The following TIAM2 variants were observed in gnomAD, a reference collection of about 807,000 sequenced individuals.
TIAM2 encodes TIAM Rac1 associated GEF 2, also known as rho guanine nucleotide exchange factor TIAM2.
A neutral mutation model predicts 152.9 loss-of-function variants in TIAM2; 80 were observed. That is an observed-to-expected ratio of 0.52 (90% confidence interval 0.44 to 0.63). The LOEUF is 0.63. Among genes scored for constraint, TIAM2 ranks in the 30% least tolerant of loss-of-function variants. The probability of loss-of-function intolerance (pLI) is 0.00; values close to 1 mark genes in which losing one functional copy is unlikely to be tolerated. For synonymous variants in TIAM2, 804 were observed against 838.0 expected (o/e 0.96, Z 0.70); for missense variants, 1,965 against 2,120.1 (o/e 0.93, Z 1.44).
At chr6:155,144,402 A>G (rs924477082) in intron 5 of TIAM2, among the ~76,000 whole-genome samples, 1 of 152,190 alleles carries the variant, frequency 6.6e-6, no homozygotes, top group Admixed American at 6.5e-5. Flanking sequence ...CTGATATTAC[A>G]TTTACAAAGA....
chr6:155,201,365 A>G (rs1781468168), intron 14 of TIAM2, among the ~76,000 whole-genome samples: 1 of 152,216 alleles, frequency 6.6e-6, no homozygotes, highest in African/African-American at 2.4e-5. Context: ...CAACTTTATT[A>G]AAATTCTTGG....
chr6:155,082,542 C>T (rs1295440096), intron 1 of TIAM2, among the ~76,000 whole-genome samples: 2 of 151,784 alleles, frequency 1.3e-5, no homozygotes, highest in East Asian at 1.9e-4. Context: ...CTCAGCTACT[C>T]GGGAGGCTAA....
chr6:155,047,688 G>GAGAGAGAGAGAGAGGAGAGAGAGA (rs71023609), intron 1 of TIAM2, among the ~76,000 whole-genome samples: 1 of 44,682 alleles, frequency 2.2e-5, no homozygotes, highest in African/African-American at 8.3e-5. Flanking sequence ...GAGAGAGAGA[G>GAGAGAGAGAGAGAGGAGAGAGAGA]GAGAGAGAGA....
In TIAM2 at chr6:155,218,153, G is replaced by A. The variant is rs1279506081; in HGVS notation, c.3168+6846G>A. Among the ~76,000 whole-genome samples the A allele has an allele frequency of 1.3e-5, 2 of 152,208 alleles. No individual in the cohort carries two copies. The highest frequency in any genetic ancestry group is 2.4e-5 in the African/African-American group (1 of 41,440). ...CTAAAAGATAACTTATTTATAAACC[G>A]TAGTCTTTCTCCATGGTTGCTATTC... On this transcript the variant is annotated intron_variant, in intron 15 of 26. Coordinates refer to ENST00000682666, the MANE Select transcript of TIAM2 (RefSeq NM_012454.4). This position sits in a 1 kb window ranked among gnomAD's most constrained non-coding sequence, Gnocchi z 4.5.
At chr6:155,238,119 T>A (rs1283955047) in intron 15 of TIAM2, among the ~76,000 whole-genome samples, 1 of 152,162 alleles carries the variant, frequency 6.6e-6, no homozygotes, top group Non-Finnish European at 1.5e-5. Flanking sequence ...AGAAATTTCT[T>A]CTCCCAGATA....
At chr6:155,250,291 C>CT (rs11320509) in intron 21 of TIAM2, among the ~76,000 whole-genome samples, 3,422 of 133,644 alleles carry the variant, frequency 0.026, 115 homozygotes, top group African/African-American at 0.072. Flanking sequence ...TTGATTTTGC[C>CT]TTTTTTTTTT....
intron 1 of TIAM2, among the ~76,000 whole-genome samples, chr6:155,033,740 A>G (rs1776866059): frequency 6.7e-6 from 1 of 148,902 alleles, no homozygotes. Flanking sequence ...TTTTTGAGAC[A>G]GAGTCTTGCT....
At chr6:155,183,617 T>A in intron 14 of TIAM2, 117 bp downstream of exon 14, 4 of 1,265,318 alleles carry the variant, frequency 3.2e-6, no homozygotes, top group Non-Finnish European at 4.2e-6. Flanking sequence ...GTTTTCTAAT[T>A]TATTAGAAGA....
intron 1 of TIAM2, among the ~76,000 whole-genome samples, chr6:155,038,737 A>T (rs1048002457): frequency 1.3e-5 from 2 of 152,098 alleles, no homozygotes; most frequent in African/African-American, 4.8e-5. Flanking sequence ...ATTCGAGACC[A>T]GCCTGGGCAA....
In TIAM2 at chr6:155,129,194, C is replaced by T. The variant is rs771820910; in HGVS notation, c.-6-24C>T. 1.5e-5 allele frequency: 24 copies of T among 1,596,936 alleles called. No homozygotes were observed. The highest frequency in any genetic ancestry group is 3.3e-4 in the Middle Eastern group (2 of 6,024). ...GAATGTAATTTAGGCCACGGTCTTA[C>T]TGATGCAACTGTTCTTAATTTAGGT... is the stretch of plus-strand genomic sequence containing the variant. On this transcript the variant is annotated intron_variant, in intron 3 of 26. Transcript: ENST00000682666. This position sits in a 1 kb window ranked among gnomAD's most constrained non-coding sequence, Gnocchi z 4.8.
At chr6:155,021,423 G>A (rs1274458884) in intron 1 of TIAM2, among the ~76,000 whole-genome samples, 2 of 151,914 alleles carry the variant, frequency 1.3e-5, no homozygotes, top group Non-Finnish European at 2.9e-5. Context: ...CACCGTGCCC[G>A]GCTAGTTTTT....
rs548653436 is a variant in TIAM2, at chr6:155,056,943, C to T, written c.-208-33346C>T. 8.6e-4 allele frequency among the ~76,000 whole-genome samples: 126 copies of T among 147,314 alleles called. 1 individual carries two copies. The highest frequency in any genetic ancestry group is 3.1e-3 in the African/African-American group (123 of 39,608). On this transcript the variant is annotated intron_variant, in intron 1 of 26. Transcript: ENST00000682666. Reference sequence around the variant, plus strand: ...GCTGTGACAGTTTCTGAGACTTTTCCTTGTTTTTGATGACTGTGACAGTTT... The same window carrying T: ...GCTGTGACAGTTTCTGAGACTTTTCTTTGTTTTTGATGACTGTGACAGTTT...
chr6:155,102,111 C>T (rs1778564011), intron 2 of TIAM2, among the ~76,000 whole-genome samples: 2 of 152,086 alleles, frequency 1.3e-5, no homozygotes, highest in Admixed American at 1.3e-4. Flanking sequence ...ATTCTTCCAC[C>T]TCAGCCTCCC....
chr6:155,015,944 C>CAAAAAAA (rs3081689), intron 1 of TIAM2, among the ~76,000 whole-genome samples: 25 of 61,830 alleles, frequency 4.0e-4, no homozygotes, highest in Non-Finnish European at 8.1e-4. Context: ...TTCAAAAAAC[C>CAAAAAAA]AAAAAAAAAA....
chr6:155,169,386 T>C (rs1044779317), intron 9 of TIAM2, among the ~76,000 whole-genome samples: 1 of 152,212 alleles, frequency 6.6e-6, no homozygotes, highest in African/African-American at 2.4e-5. Flanking sequence ...CCAGTAGGTA[T>C]TCTCTAAAGA....
At chr6:155,168,762 G>C in intron 9 of TIAM2, 1 of 1,194,006 alleles carries the variant, frequency 8.4e-7, no homozygotes, top group Non-Finnish European at 1.1e-6. Context: ...TAGAACTTTA[G>C]TTTTTAAATA....
intron 14 of TIAM2, among the ~76,000 whole-genome samples, chr6:155,193,621 TC>T (rs749555076): frequency 1.3e-5 from 2 of 152,188 alleles, no homozygotes; most frequent in Non-Finnish European, 2.9e-5. Flanking sequence ...TTAGTTCCGC[TC>T]CCAACACAGT....
chr6:155,208,142 G>T (rs184031356), intron 14 of TIAM2, among the ~76,000 whole-genome samples: 1 of 152,248 alleles, frequency 6.6e-6, no homozygotes, highest in African/African-American at 2.4e-5. Flanking sequence ...GAATGTGCAT[G>T]TGGATCATAT....
intron 2 of TIAM2, among the ~76,000 whole-genome samples, chr6:155,099,072 A>G (rs1214567219): frequency 6.6e-6 from 1 of 151,712 alleles, no homozygotes; most frequent in African/African-American, 2.4e-5. Flanking sequence ...CTGTAATCCT[A>G]GCTACTTGGG....
Sources: gnomAD v4.1 joint callset for allele counts (sites outside exome capture counted in the v4.1 genomes callset) on GRCh38, gnomAD v4.1.1 for gene constraint, Gnocchi (gnomAD v3.1) non-coding constraint, MANE v1.5 for transcripts, NCBI Gene and HGNC (gene_info 2026-07-23, HGNC 2026-07-21) for gene names.